The following SLIT3 variants were observed in gnomAD, a reference collection of about 807,000 sequenced individuals.
The protein encoded by SLIT3 is slit homolog 3 protein.
Under a neutral mutation model 184.0 loss-of-function variants are expected in SLIT3, and 68 were observed. That is an observed-to-expected ratio of 0.37 (90% CI 0.30 to 0.45). The LOEUF is 0.45. Among genes scored for constraint, SLIT3 ranks in the 20% least tolerant of loss-of-function variants. SLIT3 has a pLI of 1.00. For synonymous variants in SLIT3, 831 were observed against 828.6 expected (o/e 1.00, Z -0.05); for missense variants, 1,707 against 2,026.0 (o/e 0.84, Z 3.02).
chr5:169,184,326 G>A (rs1458662955), intron 4 of SLIT3, among the ~76,000 whole-genome samples: 5 of 152,176 alleles, frequency 3.3e-5, no homozygotes, highest in Non-Finnish European at 7.3e-5. Context: ...GGAGTAAGAG[G>A]GTGAGAAAGT....
chr5:168,894,133 G>A (rs770744133), intron 4 of SLIT3, among the ~76,000 whole-genome samples: 13 of 152,084 alleles, frequency 8.5e-5, no homozygotes, highest in Non-Finnish European at 1.8e-4. Context: ...TTGTCCCAGG[G>A]CCCTGTCAAA....
At chr5:169,249,426 T>A (rs1765701953) in intron 2 of SLIT3, among the ~76,000 whole-genome samples, 1 of 152,188 alleles carries the variant, frequency 6.6e-6, no homozygotes, top group Non-Finnish European at 1.5e-5. Flanking sequence ...AAAACAATCT[T>A]TTGTGATTAT....
At chr5:169,110,989 T>C (rs967495014) in intron 4 of SLIT3, among the ~76,000 whole-genome samples, 11 of 152,190 alleles carry the variant, frequency 7.2e-5, no homozygotes, top group Non-Finnish European at 8.8e-5. Flanking sequence ...CACCTACTAC[T>C]ACCCCACAAG....
chr5:168,857,658 G>A (rs1425068514), intron 5 of SLIT3, among the ~76,000 whole-genome samples: 1 of 152,148 alleles, frequency 6.6e-6, no homozygotes, highest in Non-Finnish European at 1.5e-5. Flanking sequence ...ACTGTCTGAG[G>A]AGTCAGATTT....
intron 2 of SLIT3, 56 bp from the exon 3 acceptor site, chr5:169,244,832 T>C: frequency 6.8e-7 from 1 of 1,474,608 alleles, no homozygotes; most frequent in Non-Finnish European, 9.5e-7. Flanking sequence ...GGGACCCTCA[T>C]ACTAGGCTTC....
chr5:169,154,192 C>T (rs1406838570), intron 4 of SLIT3, among the ~76,000 whole-genome samples: 2 of 152,170 alleles, frequency 1.3e-5, no homozygotes, highest in Non-Finnish European at 2.9e-5. Context: ...GATCTCCTGA[C>T]CTCGTGATCC....
At position 168,664,713 on chromosome 5, in the gene SLIT3, G is replaced by A. The variant is rs1760980405; in HGVS notation, c.*1741C>T. On this transcript the variant is annotated 3_prime_UTR_variant, in exon 36 of 36. Coordinates refer to ENST00000519560, the MANE Select transcript of SLIT3 (RefSeq NM_003062.4). ...ACTCCTACAGTGGAAGCTCCTGGGGGAAGGAGGGATGGATGATAAGAGCCA... is the reference window on the plus strand; with the variant it reads ...ACTCCTACAGTGGAAGCTCCTGGGGAAAGGAGGGATGGATGATAAGAGCCA... The A allele has an allele frequency of 6.6e-6, 1 of 152,280 alleles. No homozygotes were observed. Among genetic ancestry groups the A allele is most frequent in the Non-Finnish European group, 1.5e-5 (1 of 68,120 alleles). 9.4% of individuals were successfully genotyped at this position (152,280 alleles called of 1,614,324 possible).
chr5:169,173,071 G>A (rs887335409), intron 4 of SLIT3, among the ~76,000 whole-genome samples: 1 of 152,130 alleles, frequency 6.6e-6, no homozygotes, highest in African/African-American at 2.4e-5. Flanking sequence ...AGACCAGGCT[G>A]ACTAACATGA....
At chr5:169,050,090 C>A (rs140316345) in intron 4 of SLIT3, among the ~76,000 whole-genome samples, 3 of 152,060 alleles carry the variant, frequency 2.0e-5, no homozygotes, top group African/African-American at 7.2e-5. Flanking sequence ...AAGAGGGGTG[C>A]GTTTTCTACA....
intron 4 of SLIT3, among the ~76,000 whole-genome samples, chr5:168,953,159 A>G (rs1447118737): frequency 2.6e-5 from 4 of 152,146 alleles, no homozygotes; most frequent in African/African-American, 9.7e-5. Flanking sequence ...TGGGAACAGG[A>G]CTCAAAGGAT....
intron 9 of SLIT3, among the ~76,000 whole-genome samples, chr5:168,802,226 C>G (rs540146675): frequency 4.7e-4 from 71 of 151,988 alleles, no homozygotes; most frequent in African/African-American, 1.4e-3. Flanking sequence ...GTGCATCCTG[C>G]TGTTTCAACT....
chr5:168,738,798 C>T (rs1344563200), intron 20 of SLIT3, among the ~76,000 whole-genome samples: 3 of 152,052 alleles, frequency 2.0e-5, no homozygotes, highest in Middle Eastern at 3.4e-3. Flanking sequence ...ATTAGCCGGG[C>T]GCGGTGGCGG....
intron 4 of SLIT3, among the ~76,000 whole-genome samples, chr5:169,059,960 C>T (rs1581363228): frequency 6.6e-6 from 1 of 152,162 alleles, no homozygotes; most frequent in South Asian, 2.1e-4. Context: ...TAAAAAGAGA[C>T]CCTAGAGAGC....
At position 168,702,675 on chromosome 5, in the gene SLIT3, CGATGAT is replaced by C. The variant is rs10596363; in HGVS notation, c.2845-2002_2845-1997del. ...GTAATGGCAGCTCCATAAATAATAG[CGATGAT>C]GATGATGATGATGATGATGATGATG... is the stretch of plus-strand genomic sequence containing the variant. On this transcript the variant is annotated intron_variant, in intron 26 of 35. Coordinates refer to ENST00000519560, the MANE Select transcript of SLIT3 (RefSeq NM_003062.4). Among the ~76,000 whole-genome samples the C allele has an allele frequency of 2.0e-3, 299 of 149,524 alleles. 1 individual carries two copies. Among genetic ancestry groups the C allele is most frequent in the Middle Eastern group, 7.0e-3 (2 of 286 alleles).
chr5:169,097,120 A>G (rs189228401), intron 4 of SLIT3, among the ~76,000 whole-genome samples: 27 of 152,190 alleles, frequency 1.8e-4, no homozygotes, highest in Non-Finnish European at 3.5e-4. Flanking sequence ...TCGGGTTAAG[A>G]TTCCTTGTTA....
chr5:168,928,268 A>G (rs1033883607), intron 4 of SLIT3, among the ~76,000 whole-genome samples: 12 of 152,370 alleles, frequency 7.9e-5, no homozygotes, highest in Non-Finnish European at 1.2e-4. Context: ...TAATTTAGGA[A>G]GGAAATACCA....
intron 4 of SLIT3, among the ~76,000 whole-genome samples, chr5:168,962,560 A>AAAAGT (rs1441886370): frequency 6.6e-6 from 1 of 151,752 alleles, no homozygotes; most frequent in Non-Finnish European, 1.5e-5. Flanking sequence ...GAAAGAAAAG[A>AAAAGT]AAAGAAAAAA....
intron 3 of SLIT3, among the ~76,000 whole-genome samples, chr5:169,212,613 G>C (rs1247669949): frequency 6.6e-6 from 1 of 152,114 alleles, no homozygotes; most frequent in Non-Finnish European, 1.5e-5. Context: ...AAGCTCTTTA[G>C]TTTAATTAGA....
chr5:168,811,670 C>A (rs1561945867), intron 8 of SLIT3, among the ~76,000 whole-genome samples: 2 of 152,168 alleles, frequency 1.3e-5, no homozygotes, highest in Admixed American at 6.5e-5. Context: ...CGAGCTATCA[C>A]CCCATCCCAG....
Sources: allele counts gnomAD v4.1 joint callset (sites outside exome capture counted in the v4.1 genomes callset), GRCh38; gene constraint gnomAD v4.1.1; transcripts MANE v1.5; gene names NCBI Gene and HGNC (gene_info 2026-07-23, HGNC 2026-07-21).